Variants in ADAM10 observed in about 807,000 individuals in gnomAD.
The protein encoded by ADAM10 is ADAM metallopeptidase domain 10, also known as disintegrin and metalloproteinase domain-containing protein 10.
A neutral mutation model predicts 90.1 loss-of-function variants in ADAM10; 17 were observed. The observed-to-expected ratio is 0.19, with a 90% CI of 0.13 to 0.28. The LOEUF (loss-of-function observed/expected upper bound fraction) is 0.28, where lower values mean the gene tolerates loss of function less well. Ranked by LOEUF, ADAM10 falls within the 10% of genes least tolerant of loss-of-function variation. The pLI, the probability that ADAM10 is intolerant of heterozygous loss-of-function variation, is 1.00. For synonymous variants in ADAM10, 310 were observed against 298.6 expected, an observed-to-expected ratio of 1.04 and a Z score of -0.40; for missense variants, 610 against 914.3, an observed-to-expected ratio of 0.67 and a Z score of 4.29.
chr15:58,647,246 G>GTTTTTTTTTTTTTTTTTTTTTTTTTTTT (rs1323960397), intron 5 of ADAM10, among the ~76,000 whole-genome samples: 1 of 36,824 alleles, frequency 2.7e-5, no homozygotes, highest in Admixed American at 2.9e-4. Flanking sequence ...TAGACACTAA[G>GTTTTTTTTTTTTTTTTTTTTTTTTTTTT]TATTTTTTTT....
At chr15:58,628,590 T>C (rs1273928373) in intron 9 of ADAM10, among the ~76,000 whole-genome samples, 1 of 152,154 alleles carries the variant, frequency 6.6e-6, no homozygotes, top group Non-Finnish European at 1.5e-5. Flanking sequence ...CCCTGAATTT[T>C]CTCAAAGTAA....
At chr15:58,645,911 T>G in intron 6 of ADAM10, 144 bp downstream of exon 6, 1 of 823,336 alleles carries the variant, frequency 1.2e-6, no homozygotes, top group Non-Finnish European at 1.9e-6. Flanking sequence ...ATCCATGTAC[T>G]TATCTTACAC....
At chr15:58,691,419 T>G (rs1429337305) in intron 2 of ADAM10, 1 of 685,576 alleles carries the variant, frequency 1.5e-6, no homozygotes, top group Non-Finnish European at 2.8e-6. Context: ...GTTGGCTACC[T>G]GCTCTTTGCA....
chr15:58,612,039 C>G, intron 11 of ADAM10, 48 bp from the exon 12 acceptor site: 1 of 1,520,076 alleles, frequency 6.6e-7, no homozygotes, highest in Non-Finnish European at 9.1e-7. Context: ...CTAGTTATTC[C>G]CTATATACTA....
intron 4 of ADAM10, chr15:58,672,520 T>A (rs1897217364): frequency 2.6e-5 from 4 of 152,088 alleles, no homozygotes; most frequent in Admixed American, 2.0e-4. Flanking sequence ...AAGAGAAACT[T>A]ACATCCCTCC....
At position 58,627,587 on chromosome 15, in the gene ADAM10, T is replaced by C. The variant is rs1895984085; in HGVS notation, c.1360+113A>G. 5 of 866,524 alleles carry C rather than the reference T, an allele frequency of 5.8e-6. No individual in the cohort carries two copies. In the South Asian group the frequency reaches 6.0e-5, roughly 10 times the overall value. 53.7% of individuals were successfully genotyped at this position (866,524 alleles called of 1,614,324 possible). On this transcript the variant is annotated intron_variant, in intron 10 of 15. Transcript: ENST00000260408. ...GAGATAAAGGGAATACAGCAAAGTG[T>C]TAGCAATAGTAAAATGCAGGTGGTG...
intron 4 of ADAM10, chr15:58,672,881 A>C (rs1184049960): frequency 1.2e-5 from 2 of 162,726 alleles, no homozygotes; most frequent in South Asian, 3.4e-4. Flanking sequence ...AAAAGGAGGA[A>C]GATGAAGAGG....
intron 4 of ADAM10, among the ~76,000 whole-genome samples, chr15:58,672,108 A>T (rs1246105508): frequency 6.6e-6 from 1 of 152,196 alleles, no homozygotes; most frequent in African/African-American, 2.4e-5. Context: ...AAAATTTCAA[A>T]TATAATTTTA....
intron 5 of ADAM10, among the ~76,000 whole-genome samples, chr15:58,654,406 G>A (rs372640103): frequency 8.3e-4 from 126 of 152,116 alleles, no homozygotes; most frequent in African/African-American, 1.5e-3. Context: ...TTGAGACAGC[G>A]TCTCCTTCTG....
At chr15:58,663,548 T>C (rs192943674) in intron 5 of ADAM10, among the ~76,000 whole-genome samples, 70 of 152,320 alleles carry the variant, frequency 4.6e-4, no homozygotes, top group African/African-American at 1.6e-3. Context: ...TTCTTAGTCC[T>C]TACTTTTCCA....
At chr15:58,624,256 A>G (rs1343614495) in intron 10 of ADAM10, among the ~76,000 whole-genome samples, 1 of 152,008 alleles carries the variant, frequency 6.6e-6, no homozygotes, top group East Asian at 1.9e-4. Flanking sequence ...ACTGCACTCC[A>G]GCCTGGTGAC....
chr15:58,712,377 A>G (rs1278454233), intron 2 of ADAM10, among the ~76,000 whole-genome samples: 3 of 151,876 alleles, frequency 2.0e-5, no homozygotes, highest in Admixed American at 1.3e-4. Context: ...TATGAAAATT[A>G]GCTAGGCATG....
intron 1 of ADAM10, among the ~76,000 whole-genome samples, chr15:58,719,431 A>C (rs1253159386): frequency 2.0e-5 from 3 of 152,224 alleles, no homozygotes; most frequent in African/African-American, 4.8e-5. Flanking sequence ...GAGAAGAAAA[A>C]AAAAAGTGAT....
At chr15:58,714,829 C>T (rs1258868155) in intron 2 of ADAM10, among the ~76,000 whole-genome samples, 2 of 151,828 alleles carry the variant, frequency 1.3e-5, no homozygotes, top group East Asian at 1.9e-4. Context: ...TGTACCAAGA[C>T]TAATATTTGT....
intron 8 of ADAM10, among the ~76,000 whole-genome samples, chr15:58,639,207 G>T (rs1410112657): frequency 1.3e-5 from 2 of 152,198 alleles, no homozygotes; most frequent in Admixed American, 1.3e-4. Flanking sequence ...TTGAGAACTT[G>T]TTCAAACTAA....
intron 1 of ADAM10, among the ~76,000 whole-genome samples, chr15:58,719,826 G>A (rs1360021436): frequency 9.2e-5 from 14 of 152,264 alleles, no homozygotes; most frequent in African/African-American, 3.4e-4. Context: ...TCCATAAAAT[G>A]AAGAAACTAG....
intron 2 of ADAM10, among the ~76,000 whole-genome samples, chr15:58,712,643 C>A (rs933243042): frequency 5.3e-5 from 8 of 150,762 alleles, no homozygotes; most frequent in Admixed American, 1.3e-4. Flanking sequence ...CATGGTGAAG[C>A]CCCGTCTCTA....
chr15:58,629,115 T>A (rs1238633971), intron 9 of ADAM10: 4 of 152,224 alleles, frequency 2.6e-5, no homozygotes, highest in African/African-American at 9.6e-5. Flanking sequence ...AAATCCCAAT[T>A]CTGTATAACT....
intron 1 of ADAM10, among the ~76,000 whole-genome samples, chr15:58,738,870 A>C (rs1899513288): frequency 6.6e-6 from 1 of 152,172 alleles, no homozygotes; most frequent in African/African-American, 2.4e-5. Context: ...ATTTCTAATA[A>C]GACACAAGTA....
Sources: gnomAD v4.1 joint callset for allele counts (sites outside exome capture counted in the v4.1 genomes callset) on GRCh38, gnomAD v4.1.1 for gene constraint, MANE v1.5 for transcripts, NCBI Gene and HGNC (gene_info 2026-07-23, HGNC 2026-07-21) for gene names.